The following WIPI2 variants were observed in gnomAD, a reference collection of about 807,000 sequenced individuals.
WIPI2 encodes WD repeat domain, phosphoinositide interacting 2.
In WIPI2, 28 loss-of-function variants were observed where a neutral mutation model predicts 52.3. The ratio of observed to expected loss-of-function variants is 0.54; its 90% confidence interval spans 0.40 to 0.73. The LOEUF (loss-of-function observed/expected upper bound fraction) is 0.73. Among genes scored for constraint, WIPI2 ranks in the 30% least tolerant of loss-of-function variants. The pLI is 0.00. For synonymous variants in WIPI2, 268 were observed against 245.0 expected (o/e 1.09, Z -0.88); for missense variants, 506 against 602.9 (o/e 0.84, Z 1.68).
Position 5,221,951 on chromosome 7 carries a change from ATT to A in WIPI2, c.670-638_670-637del, listed in dbSNP as rs200325811. 1.5e-3 allele frequency among the ~76,000 whole-genome samples: 153 copies of A among 101,140 alleles called. 1 individual carries two copies. The highest frequency in any genetic ancestry group is 4.7e-3 in the Middle Eastern group (1 of 212). The allele number at this position is 101,140 out of a possible 152,430, so 66.4% of individuals were successfully genotyped here. A position where few individuals can be genotyped will look rare whatever the true frequency, so the allele number is the denominator to read the frequency against. The stretch of plus-strand genomic sequence containing the variant: ...GTACCACACACAAATCCAGGCTTTT[ATT>A]TTTTTTTTTTTTCCCCCCCCGAGAT... On this transcript the variant is annotated intron_variant, in intron 7 of 12. Coordinates refer to ENST00000288828, the MANE Select transcript of WIPI2 (RefSeq NM_015610.4).
chr7:5,212,256 G>A (rs2115264297), intron 3 of WIPI2, among the ~76,000 whole-genome samples: 1 of 152,210 alleles, frequency 6.6e-6, no homozygotes, highest in East Asian at 1.9e-4. Flanking sequence ...CAGTCCAGCA[G>A]GGAACTCTGT....
At chr7:5,200,151 A>T (rs560138172) in intron 3 of WIPI2, among the ~76,000 whole-genome samples, 1 of 152,210 alleles carries the variant, frequency 6.6e-6, no homozygotes, top group Non-Finnish European at 1.5e-5. Flanking sequence ...GTGTGGTTCT[A>T]GATGGATTAC....
rs771074047 is a variant in WIPI2 at position 5,230,987 on chromosome 7, T to G, written c.*40T>G. Reference sequence around the variant, plus strand: ...CTCTGACCCGGGGAGCAGAGAACACTGGCTTCACAGAGGACTTTGTGCATT... The same window carrying G: ...CTCTGACCCGGGGAGCAGAGAACACGGGCTTCACAGAGGACTTTGTGCATT... On this transcript the variant is annotated 3_prime_UTR_variant, in exon 13 of 13. Coordinates refer to ENST00000288828, the MANE Select transcript of WIPI2 (RefSeq NM_015610.4). The surrounding 1 kb of genome is among the most constrained non-coding windows in gnomAD (Gnocchi z 4.8). The G allele has an allele frequency of 6.4e-7, 1 of 1,560,268 alleles. No individual in the cohort carries two copies. Among genetic ancestry groups the G allele is most frequent in the Non-Finnish European group, 8.8e-7 (1 of 1,142,572 alleles).
At chr7:5,190,539 G>C in intron 1 of WIPI2, 46 bp downstream of exon 1, 1 of 1,435,620 alleles carries the variant, frequency 7.0e-7, no homozygotes, top group Non-Finnish European at 9.2e-7. Context: ...GCCAGGGTCG[G>C]ACCCGGGCTA....
chr7:5,229,889 TTCCCAAGGCCTC>T, intron 12 of WIPI2, 151 bp downstream of exon 12: 1 of 1,071,314 alleles, frequency 9.3e-7, no homozygotes, highest in Non-Finnish European at 1.3e-6. Flanking sequence ...TAAATGGGTG[TTCCCAAGGCCTC>T]TCTCAAGGCT....
At position 5,227,180 on chromosome 7, in the gene WIPI2, A is replaced by G. The variant is rs1232754644; in HGVS notation, c.849A>G (p.Lys283=). The G allele has an allele frequency of 5.0e-6, 8 of 1,612,810 alleles. No homozygotes were observed. Among genetic ancestry groups the G allele is most frequent in the Non-Finnish European group, 6.8e-6 (8 of 1,179,800 alleles). The change falls in exon 10 of 13, where the codon AAA becomes AAG. Residue 283 remains lysine (K), a splice_region_variant and synonymous_variant. Transcript: ENST00000288828. This position sits in a 1 kb window ranked among gnomAD's most constrained non-coding sequence, Gnocchi z 8.1. ...TGTGTCTGGTGGCCTTTCCTTCCAGACCCCCAGAGGAGCCCACCACCTGGA... is the reference window on the plus strand; with the variant it reads ...TGTGTCTGGTGGCCTTTCCTTCCAGGCCCCCAGAGGAGCCCACCACCTGGA... ...HIFKLETVKE[K]PPEEPTTWTG...
chr7:5,211,044 A>G (rs1410460632), intron 3 of WIPI2, among the ~76,000 whole-genome samples: 1 of 152,250 alleles, frequency 6.6e-6, no homozygotes, highest in Non-Finnish European at 1.5e-5. Context: ...CAACAAGCAC[A>G]AAAGTGCAAA....
rs773474111 is a variant in WIPI2 at position 5,217,978 on chromosome 7, C to T, written c.633C>T (p.Asp211=). 3.7e-6 allele frequency: 6 copies of T among 1,614,212 alleles called. No individual in the cohort carries two copies. Among genetic ancestry groups the T allele is most frequent in the East Asian group, 2.2e-5 (1 of 44,886 alleles). The part of the protein sequence containing the change: ...HDSPLAALAF[D]ASGTKLATAS... Reference sequence around the variant, plus strand: ...GTCCTTTAGCGGCACTGGCCTTTGACGCAAGTGGAACTAAACTTGCCACGG... The same window carrying T: ...GTCCTTTAGCGGCACTGGCCTTTGATGCAAGTGGAACTAAACTTGCCACGG... Residue 211 remains aspartate, a synonymous_variant, in exon 7 of 13, where the codon GAC becomes GAT. Coordinates refer to ENST00000288828, the MANE Select transcript of WIPI2 (RefSeq NM_015610.4).
intron 4 of WIPI2, among the ~76,000 whole-genome samples, chr7:5,215,463 T>C (rs1782768025): frequency 6.6e-6 from 1 of 152,246 alleles, no homozygotes; most frequent in South Asian, 2.1e-4. Context: ...TGTGCGTGTT[T>C]CACGCACGTG....
chr7:5,192,270 T>C (rs1781521377), intron 1 of WIPI2, among the ~76,000 whole-genome samples: 1 of 152,322 alleles, frequency 6.6e-6, no homozygotes, highest in East Asian at 1.9e-4. Context: ...AATTCTAATT[T>C]GGTTTTTAAG....
At chr7:5,219,780 AC>A in intron 7 of WIPI2, among the ~76,000 whole-genome samples, 1 of 152,234 alleles carries the variant, frequency 6.6e-6, no homozygotes, top group East Asian at 1.9e-4. Context: ...TCTCAATGTT[AC>A]AAGCTCAGTT....
Position 5,233,094 on chromosome 7 carries a change from T to TCAGG in WIPI2, c.*2147_*2148insCAGG, listed in dbSNP as rs1404872266. 6.6e-6 allele frequency: 1 copy of TCAGG among 152,290 alleles called. No homozygotes were observed. The highest frequency in any genetic ancestry group is 1.5e-5 in the Non-Finnish European group (1 of 68,092). The allele number at this position is 152,290 out of a possible 1,614,324, so 9.4% of individuals were successfully genotyped here. A position where few individuals can be genotyped will look rare whatever the true frequency, so the allele number is the denominator to read the frequency against. ...TCCCTGCAGACCACGGGAAGCCCTG[T>TCAGG]GCTTGCCTGGGTCAGGGCTAAGCTG... On this transcript the variant is annotated 3_prime_UTR_variant, in exon 13 of 13. Coordinates refer to ENST00000288828, the MANE Select transcript of WIPI2 (RefSeq NM_015610.4).
intron 3 of WIPI2, among the ~76,000 whole-genome samples, chr7:5,209,546 C>T (rs975719831): frequency 2.4e-4 from 37 of 152,288 alleles, no homozygotes; most frequent in African/African-American, 8.4e-4. Context: ...TGGGTTGGCA[C>T]AGTCTTTCTC....
chr7:5,222,854 G>A, intron 8 of WIPI2, 182 bp downstream of exon 8: 1 of 594,564 alleles, frequency 1.7e-6, no homozygotes, highest in South Asian at 2.0e-5. Context: ...AGCACTTTCA[G>A]AAAAGCAAAT....
chr7:5,228,303 C>A, intron 11 of WIPI2, 92 bp downstream of exon 11: 1 of 1,209,610 alleles, frequency 8.3e-7, no homozygotes, highest in Non-Finnish European at 1.1e-6. Context: ...TCCTTGCAAA[C>A]CAGTGACATA....
chr7:5,200,043 G>A (rs181911829), intron 3 of WIPI2, among the ~76,000 whole-genome samples: 19 of 152,270 alleles, frequency 1.2e-4, no homozygotes, highest in East Asian at 1.2e-3. Context: ...TTATTTTCCC[G>A]CGTTGGCATT....
In WIPI2 at chr7:5,231,502, T is replaced by G. The variant is rs1244139751; in HGVS notation, c.*555T>G. On this transcript the variant is annotated 3_prime_UTR_variant, in exon 13 of 13. Transcript: ENST00000288828. The stretch of plus-strand genomic sequence containing the variant: ...CCATTTTCCCTCCGTTTTATTTTGT[T>G]AATTAAATTCTTTCCAAATTGGATC... 1 of 152,326 alleles carries G rather than the reference T, an allele frequency of 6.6e-6. No individual in the cohort carries two copies. The highest frequency in any genetic ancestry group is 1.5e-5 in the Non-Finnish European group (1 of 68,130). 9.4% of individuals were successfully genotyped at this position (152,326 alleles called of 1,614,324 possible).
chr7:5,225,255 C>T (rs899439912), intron 8 of WIPI2, among the ~76,000 whole-genome samples: 1 of 152,084 alleles, frequency 6.6e-6, no homozygotes, highest in African/African-American at 2.4e-5. Context: ...ATTCTCCTGC[C>T]TCAGCCTCCC....
At chr7:5,205,922 G>A (rs1161674994) in intron 3 of WIPI2, among the ~76,000 whole-genome samples, 2 of 142,878 alleles carry the variant, frequency 1.4e-5, no homozygotes, top group Non-Finnish European at 3.0e-5. Context: ...CCGTTTGCCT[G>A]TTTTTCTGTT....
Sources: gnomAD v4.1 joint callset for allele counts (sites outside exome capture counted in the v4.1 genomes callset) on GRCh38, gnomAD v4.1.1 for gene constraint, Gnocchi (gnomAD v3.1) non-coding constraint, MANE v1.5 for transcripts, NCBI Gene and HGNC (gene_info 2026-07-23, HGNC 2026-07-21) for gene names.